TMIGD3: variants seen among roughly 807,000 people sequenced by gnomAD.
TMIGD3 encodes the protein AD026 protein (AD026).
In TMIGD3, 21 loss-of-function variants were observed where a neutral mutation model predicts 28.1. The ratio of observed to expected loss-of-function variants is 0.75; its 90% CI spans 0.53 to 1.08. TMIGD3 has a LOEUF of 1.08. Among genes scored for constraint, TMIGD3 ranks in the 50% least tolerant of loss-of-function variants. TMIGD3 has a pLI of 0.00. For synonymous variants in TMIGD3, 151 were observed against 162.1 expected (o/e 0.93, Z 0.52); for missense variants, 416 against 435.6 (o/e 0.96, Z 0.40).
rs137856802 is a variant in TMIGD3 at position 111,527,285 on chromosome 1, T to C, written c.108-36523A>G. On this transcript the variant is annotated intron_variant, in intron 1 of 5. Coordinates refer to the TMIGD3 transcript ENST00000369717. ...CCTTGGCCTCCCAAAGTGCTGAGAT[T>C]ACAGGCGTGAGCCACCGCGCCTGAC... Among the ~76,000 whole-genome samples the C allele has an allele frequency of 8.5e-3, 1,289 of 152,312 alleles. 17 individuals are homozygous for C. The highest frequency in any genetic ancestry group is 0.052 in the South Asian group (249 of 4,824).
chr1:111,533,101 A>G (rs1387838398), intron 1 of TMIGD3, among the ~76,000 whole-genome samples: 1 of 152,194 alleles, frequency 6.6e-6, no homozygotes, highest in East Asian at 1.9e-4. Context: ...TTATGATTGG[A>G]TCCACGGGGC....
chr1:111,490,486 C>T (rs1281257250), intron 2 of TMIGD3, 170 bp downstream of exon 2: 1 of 591,498 alleles, frequency 1.7e-6, no homozygotes, highest in Non-Finnish European at 3.0e-6. Flanking sequence ...GAGCTAAGAA[C>T]AAGAACTAAT....
chr1:111,542,708 T>A (rs1321027869), intron 1 of TMIGD3, among the ~76,000 whole-genome samples: 1 of 151,154 alleles, frequency 6.6e-6, no homozygotes, highest in Non-Finnish European at 1.5e-5. Flanking sequence ...TTTTTTTTTC[T>A]TTTTTTGAGA....
At chr1:111,505,426 C>T (rs1443644067), upstream of TMIGD3, among the ~76,000 whole-genome samples, 1 of 152,244 alleles carries the variant, frequency 6.6e-6, no homozygotes. Flanking sequence ...CCTCAGAATT[C>T]TCTGCACATA....
At chr1:111,553,249 G>A (rs1311269341) in intron 1 of TMIGD3, among the ~76,000 whole-genome samples, 1 of 152,234 alleles carries the variant, frequency 6.6e-6, no homozygotes, top group Non-Finnish European at 1.5e-5. Context: ...AGGCAGGTAT[G>A]CACACATTCC....
Position 111,517,072 on chromosome 1 carries a change from C to T in TMIGD3, c.108-26310G>A, listed in dbSNP as rs115777654. Among the ~76,000 whole-genome samples the T allele has an allele frequency of 6.9e-3, 1,055 of 152,336 alleles. 15 individuals carry two copies. Among genetic ancestry groups the T allele is most frequent in the African/African-American group, 0.024 (1,015 of 41,586 alleles). On this transcript the variant is annotated intron_variant, in intron 1 of 5. Transcript: ENST00000369717. ...TCTCACTCTCACTCTCCCTTCCTCC[C>T]TCTGTCCCAAGTGCAGGAGTGCAAG...
intron 1 of TMIGD3, among the ~76,000 whole-genome samples, chr1:111,517,758 G>T (rs1557832497): frequency 6.6e-6 from 1 of 152,228 alleles, no homozygotes; most frequent in Non-Finnish European, 1.5e-5. Context: ...ACAACAAAAA[G>T]TGGGTCCTCA....
At chr1:111,536,848 C>T (rs534221088) in intron 1 of TMIGD3, among the ~76,000 whole-genome samples, 2 of 152,244 alleles carry the variant, frequency 1.3e-5, no homozygotes, top group Non-Finnish European at 2.9e-5. Flanking sequence ...CCCCCAGGCC[C>T]AAGCTTTTTC....
At chr1:111,500,921 CTT>C (rs56907773) in intron 1 of TMIGD3, 1,756 of 283,804 alleles carry the variant, frequency 6.2e-3, no homozygotes, top group Non-Finnish European at 7.6e-3. Flanking sequence ...TTTTCTTTTT[CTT>C]TTTTTTTTTA....
chr1:111,560,874 G>T (rs528802384), intron 1 of TMIGD3, among the ~76,000 whole-genome samples: 1 of 152,260 alleles, frequency 6.6e-6, no homozygotes, highest in East Asian at 1.9e-4. Flanking sequence ...TCCTTGCCAG[G>T]CCTTTCCTCT....
intron 1 of TMIGD3, among the ~76,000 whole-genome samples, chr1:111,514,364 G>A (rs1489468013): frequency 1.3e-5 from 2 of 152,092 alleles, no homozygotes; most frequent in Non-Finnish European, 2.9e-5. Context: ...AAGCAACATA[G>A]CAAGACCCTG....
chr1:111,527,006 C>CTTTTTTTTTTTTT (rs71580580), intron 1 of TMIGD3, among the ~76,000 whole-genome samples: 4 of 87,744 alleles, frequency 4.6e-5, no homozygotes, highest in Non-Finnish European at 8.1e-5. Context: ...TCCTCAATGT[C>CTTTTTTTTTTTTT]TTTTTTTTTT....
chr1:111,503,514 T>C lies in TMIGD3; in HGVS notation c.-160A>G. ...TCATTCCTACCCTTTTCTGGTGGGG[T>C]GATCTCTTGGAAACCCTTCTCCTTA... On this transcript the variant is annotated 5_prime_UTR_variant, in exon 1 of 6. Transcript: ENST00000369716. 1 of 1,433,804 alleles carries C rather than the reference T, an allele frequency of 7.0e-7. No individual in the cohort carries two copies. The highest frequency in any genetic ancestry group is 9.1e-7 in the Non-Finnish European group (1 of 1,095,832). 88.8% of individuals were successfully genotyped at this position (1,433,804 alleles called of 1,614,324 possible). A position where few individuals can be genotyped will look rare whatever the true frequency, so the allele number is the denominator to read the frequency against.
At position 111,526,678 on chromosome 1, in the gene TMIGD3, C is replaced by A. The variant is rs574155362; in HGVS notation, c.108-35916G>T. On this transcript the variant is annotated intron_variant, in intron 1 of 5. Transcript: ENST00000369717. ...AATGAAAGAACCTGCATTAACACAT[C>A]ATTATCACCCAAAGTTCACACTTTA... is the stretch of plus-strand genomic sequence containing the variant. Among the ~76,000 whole-genome samples, 196 of 152,316 alleles carry A rather than the reference C, an allele frequency of 1.3e-3. 1 individual carries two copies. Among genetic ancestry groups the A allele is most frequent in the African/African-American group, 4.5e-3 (188 of 41,568 alleles).
intron 1 of TMIGD3, among the ~76,000 whole-genome samples, chr1:111,513,605 T>C (rs1655763732): frequency 6.6e-6 from 1 of 152,170 alleles, no homozygotes; most frequent in African/African-American, 2.4e-5. Context: ...TCCTTGTCCC[T>C]CTAAGATAAG....
intron 1 of TMIGD3, among the ~76,000 whole-genome samples, chr1:111,496,247 C>T (rs929525432): frequency 1.3e-5 from 2 of 152,150 alleles, no homozygotes; most frequent in South Asian, 2.1e-4. Flanking sequence ...TAATTTTTGT[C>T]TCCAGTTTCA....
At chr1:111,487,434 A>C (rs1571397785) in intron 3 of TMIGD3, among the ~76,000 whole-genome samples, 1 of 152,232 alleles carries the variant, frequency 6.6e-6, no homozygotes, top group Non-Finnish European at 1.5e-5. Flanking sequence ...TCCTACCAGC[A>C]TTGTGCTCTG....
At chr1:111,545,032 A>G (rs1299230469) in intron 1 of TMIGD3, among the ~76,000 whole-genome samples, 1 of 114,156 alleles carries the variant, frequency 8.8e-6, no homozygotes, top group African/African-American at 3.4e-5. Context: ...TTTCTTGGGT[A>G]TATCCAATTT....
chr1:111,557,680 A>T (rs914059964), intron 1 of TMIGD3, among the ~76,000 whole-genome samples: 17 of 152,330 alleles, frequency 1.1e-4, no homozygotes, highest in African/African-American at 3.6e-4. Flanking sequence ...ATCAGAAAAA[A>T]GGTTTGAGAT....
Sources: gnomAD v4.1 joint callset for allele counts (sites outside exome capture counted in the v4.1 genomes callset) on GRCh38, gnomAD v4.1.1 for gene constraint, MANE v1.5 for transcripts, NCBI Gene and HGNC (gene_info 2026-07-23, HGNC 2026-07-21) for gene names.